The following ZNF215 variants were observed in gnomAD, a reference collection of about 807,000 sequenced individuals.
ZNF215 encodes the protein zinc finger protein 215, also known as BWSCR2-associated zinc finger protein 2.
A neutral mutation model predicts 27.2 loss-of-function variants in ZNF215; 24 were observed. That is an observed-to-expected ratio of 0.88 (90% CI 0.64 to 1.24). The LOEUF is 1.24. Ranked by LOEUF, ZNF215 falls within the 50% of genes most tolerant of loss-of-function variation. The pLI is 0.00. For synonymous variants in ZNF215, 210 were observed against 204.0 expected (o/e 1.03, Z -0.25); for missense variants, 675 against 605.7 (o/e 1.11, Z -1.20).
In ZNF215 at chr11:6,956,366, A is replaced by T. The variant is rs376438882; in HGVS notation, c.1389A>T (p.Gln463His). ...PTLHFGNNFYQCVNCGKSFNR... is the reference protein window; with the variant it reads ...PTLHFGNNFYHCVNCGKSFNR... ...TCCATTTTGGAAACAATTTCTATCA[A>T]TGTGTTAACTGTGGAAAATCCTTCA... The change falls in exon 7 of 7, where the codon CAA becomes CAT. Residue 463 changes from glutamine to histidine, a missense_variant. By Grantham distance (24) the Gln-to-His change is conservative. Transcript: ENST00000278319. 4 of 1,614,178 alleles carry T rather than the reference A, an allele frequency of 2.5e-6. No homozygotes were observed. Among genetic ancestry groups the T allele is most frequent in the East Asian group, 2.2e-5 (1 of 44,870 alleles).
chr11:6,956,085 C>T lies in ZNF215; in HGVS notation c.1108C>T (p.Gln370Ter). 1 of 1,611,664 alleles carries T rather than the reference C, an allele frequency of 6.2e-7. No homozygotes were observed. Among genetic ancestry groups the T allele is most frequent in the South Asian group, 1.1e-5 (1 of 90,334 alleles). ...DLSLSTDIRH[Q>*]KSHTTMNSYE... ...GAGTTTGAGTACAGATATTCGACAC[C>T]AAAAAAGTCATACTACAATGAATTC... Residue 370 changes from glutamine (Q) to a stop codon, truncating the protein, a stop_gained, in exon 7 of 7, where the codon CAA (glutamine) becomes TAA (stop). Coordinates refer to ENST00000278319, the MANE Select transcript of ZNF215 (RefSeq NM_013250.4). LOFTEE classifies it low-confidence loss of function (END_TRUNC).
intron 5 of ZNF215, among the ~76,000 whole-genome samples, chr11:6,976,254 C>T (rs1850831314): frequency 6.6e-6 from 1 of 151,804 alleles, no homozygotes; most frequent in South Asian, 2.1e-4. Flanking sequence ...AAAGGAAAAA[C>T]AAAACAAATC....
chr11:6,978,701 T>A (rs1243734199), intron 5 of ZNF215, among the ~76,000 whole-genome samples: 1 of 151,872 alleles, frequency 6.6e-6, no homozygotes, highest in African/African-American at 2.4e-5. Flanking sequence ...GGAGGACCAC[T>A]TGAAGTCAGG....
downstream of ZNF215, among the ~76,000 whole-genome samples, chr11:6,962,157 TTG>T (rs1850528226): frequency 6.6e-6 from 1 of 152,298 alleles, no homozygotes; most frequent in East Asian, 1.9e-4. Flanking sequence ...GGGTTTTTTT[TTG>T]TTTGTTTGCT....
chr11:6,976,658 G>C (rs925441654), intron 5 of ZNF215, among the ~76,000 whole-genome samples: 6 of 151,810 alleles, frequency 4.0e-5, no homozygotes, highest in African/African-American at 7.3e-5. Context: ...AATGCTTTTT[G>C]GTTCTCACCT....
At chr11:6,992,383 G>A (rs1851125558), downstream of ZNF215, among the ~76,000 whole-genome samples, 2 of 152,220 alleles carry the variant, frequency 1.3e-5, no homozygotes, top group Non-Finnish European at 2.9e-5. Flanking sequence ...TATTTCAAGA[G>A]TGAAGACTGC....
At chr11:6,954,436 C>A (rs1424578402) in intron 6 of ZNF215, among the ~76,000 whole-genome samples, 1 of 152,258 alleles carries the variant, frequency 6.6e-6, no homozygotes, top group Non-Finnish European at 1.5e-5. Flanking sequence ...CAAGCCTGGG[C>A]AATGGCGGGA....
chr11:6,984,372 G>T (rs1178985517), exon 6 of ZNF215: 1 of 167,600 alleles, frequency 6.0e-6, no homozygotes, highest in Non-Finnish European at 1.3e-5. Context: ...GCCTCCTAAA[G>T]TGCTGGGATG....
downstream of ZNF215, among the ~76,000 whole-genome samples, chr11:6,958,555 GTT>G (rs869283556): frequency 8.9e-5 from 8 of 89,852 alleles, no homozygotes; most frequent in African/African-American, 3.1e-4. Context: ...TCACAAGCCT[GTT>G]TATTTAGTAC....
chr11:6,955,858 T>A lies in ZNF215; in HGVS notation c.881T>A (p.Ile294Asn). The A allele has an allele frequency of 6.2e-7, 1 of 1,612,224 alleles. No individual in the cohort carries two copies. The highest frequency in any genetic ancestry group is 8.5e-7 in the Non-Finnish European group (1 of 1,179,600). Residue 294 changes from isoleucine (I) to asparagine (N), a missense_variant, in exon 7 of 7, where the codon ATT becomes AAT. By Grantham distance (149) the Ile-to-Asn change is moderately radical (BLOSUM62 -3). Transcript: ENST00000278319. ...CAAGAGGCTTTCATTCCTGAGACAA[T>A]TTACACTGAGGAGGAAGATTTTGAA... The part of the protein sequence containing the change: ...LPQEAFIPET[I>N]YTEEEDFECS...
chr11:6,939,817 A>G (rs1169864926), intron 3 of ZNF215, among the ~76,000 whole-genome samples: 4 of 152,222 alleles, frequency 2.6e-5, no homozygotes, highest in Non-Finnish European at 4.4e-5. Context: ...CACCTTTCCA[A>G]GATACCTCAG....
At chr11:6,976,390 A>G (rs1329855957) in intron 5 of ZNF215, among the ~76,000 whole-genome samples, 1 of 152,032 alleles carries the variant, frequency 6.6e-6, no homozygotes, top group Non-Finnish European at 1.5e-5. Flanking sequence ...TGATGAAAAT[A>G]AGGGCACAGT....
chr11:6,971,367 T>G (rs1850715113), intron 5 of ZNF215, among the ~76,000 whole-genome samples: 1 of 152,190 alleles, frequency 6.6e-6, no homozygotes, highest in Non-Finnish European at 1.5e-5. Context: ...GTTGCTCCTT[T>G]GCATTTACAT....
At chr11:6,992,214 G>T (rs941434046), downstream of ZNF215, among the ~76,000 whole-genome samples, 4 of 152,188 alleles carry the variant, frequency 2.6e-5, no homozygotes, top group Admixed American at 1.3e-4. Context: ...TCACAGGAAT[G>T]CACACTGGCA....
chr11:6,993,794 G>A (rs548373577), downstream of ZNF215, among the ~76,000 whole-genome samples: 1 of 152,024 alleles, frequency 6.6e-6, no homozygotes, highest in Non-Finnish European at 1.5e-5. Context: ...CAATTTATTT[G>A]TAACCCAAAT....
At chr11:6,927,468 T>A (rs576862876) in intron 1 of ZNF215, among the ~76,000 whole-genome samples, 194 bp from the exon 2 acceptor site, 4 of 152,240 alleles carry the variant, frequency 2.6e-5, no homozygotes, top group African/African-American at 9.6e-5. Flanking sequence ...GCTGTTCGAG[T>A]TCCTTGCGGC....
intron 6 of ZNF215, among the ~76,000 whole-genome samples, chr11:6,953,155 G>C (rs1428387133): frequency 6.6e-6 from 1 of 152,088 alleles, no homozygotes; most frequent in East Asian, 1.9e-4. Context: ...TTTCTCTCTG[G>C]CTGCCCTTAA....
chr11:6,954,049 G>A (rs146289464), intron 6 of ZNF215, among the ~76,000 whole-genome samples: 21 of 152,220 alleles, frequency 1.4e-4, no homozygotes, highest in Admixed American at 2.6e-4. Flanking sequence ...GCAGAACAGC[G>A]GATTTTTGTG....
In ZNF215 at chr11:6,941,631, G is replaced by A; in HGVS notation, c.461G>A (p.Gly154Asp). ...AGCATCAAGGAGAAAATGAAAGCTG[G>A]CTCACGAACAGGCAAACCACAGGTG... ...MGSIKEKMKA[G>D]SRTGKPQEPV... The change falls in exon 4 of 7, where the codon GGC becomes GAC. Residue 154 changes from glycine to aspartate, a missense_variant. Physicochemically the swap from Gly to Asp is moderately conservative, Grantham distance 94 (BLOSUM62 -1). Coordinates refer to ENST00000278319, the MANE Select transcript of ZNF215 (RefSeq NM_013250.4). 1 of 1,614,002 alleles carries A rather than the reference G, an allele frequency of 6.2e-7. No homozygotes were observed. The highest frequency in any genetic ancestry group is 8.5e-7 in the Non-Finnish European group (1 of 1,179,920).
Sources: gnomAD v4.1 joint callset for allele counts (sites outside exome capture counted in the v4.1 genomes callset) on GRCh38, gnomAD v4.1.1 for gene constraint, MANE v1.5 for transcripts, NCBI Gene and HGNC (gene_info 2026-07-23, HGNC 2026-07-21) for gene names.